The following ZFR variants were observed in gnomAD, a reference collection of about 807,000 sequenced individuals.
The protein encoded by ZFR is zinc finger RNA binding protein.
ZFR carries 19 observed loss-of-function variants against 130.7 expected under a neutral mutation model. The ratio of observed to expected loss-of-function variants is 0.15; its 90% confidence interval spans 0.10 to 0.21. The LOEUF (loss-of-function observed/expected upper bound fraction) is 0.21. Among genes scored for constraint, ZFR ranks in the 10% least tolerant of loss-of-function variants. ZFR has a pLI of 1.00. For synonymous variants in ZFR, 466 were observed against 456.9 expected (o/e 1.02, Z -0.25); for missense variants, 872 against 1,321.5 (o/e 0.66, Z 5.27).
At chr5:32,438,897 G>C (rs2111873501) in intron 2 of ZFR, among the ~76,000 whole-genome samples, 1 of 152,316 alleles carries the variant, frequency 6.6e-6, no homozygotes, top group Non-Finnish European at 1.5e-5. Flanking sequence ...GGCAAGTCAG[G>C]TGAGGAAACC....
At chr5:32,405,863 T>C (rs1197835947) in intron 6 of ZFR, among the ~76,000 whole-genome samples, 29 of 152,178 alleles carry the variant, frequency 1.9e-4, no homozygotes, top group Admixed American at 1.9e-3. Flanking sequence ...GTTCTGTAAT[T>C]TGGTATAACT....
chr5:32,395,087 C>A (rs951652776), intron 11 of ZFR, 72 bp downstream of exon 11: 1 of 1,470,512 alleles, frequency 6.8e-7, no homozygotes, highest in African/African-American at 1.4e-5. Flanking sequence ...ATGGGAGTCA[C>A]ATGCTCAGAA....
At chr5:32,362,034 G>T (rs1370054256) in intron 19 of ZFR, among the ~76,000 whole-genome samples, 1 of 152,070 alleles carries the variant, frequency 6.6e-6, no homozygotes, top group Non-Finnish European at 1.5e-5. Flanking sequence ...GTGGTTTGTA[G>T]GTACTTCTAA....
intron 17 of ZFR, among the ~76,000 whole-genome samples, chr5:32,367,589 T>C (rs897139461): frequency 1.3e-5 from 2 of 152,162 alleles, no homozygotes; most frequent in Non-Finnish European, 2.9e-5. Flanking sequence ...CTAATTTTTA[T>C]TTTTAGTAGA....
intron 2 of ZFR, among the ~76,000 whole-genome samples, chr5:32,429,847 T>A (rs1309006151): frequency 1.3e-5 from 2 of 151,824 alleles, no homozygotes; most frequent in African/African-American, 4.8e-5. Flanking sequence ...AGGGGGAGAA[T>A]CACTTGAGGC....
intron 13 of ZFR, 99 bp from the exon 14 acceptor site, chr5:32,387,798 T>C: frequency 8.0e-7 from 1 of 1,256,108 alleles, no homozygotes. Context: ...TTTTGTGCCA[T>C]TAAAATTTCC....
At chr5:32,388,055 C>T (rs945966513) in intron 13 of ZFR, among the ~76,000 whole-genome samples, 11 of 151,954 alleles carry the variant, frequency 7.2e-5, no homozygotes, top group Non-Finnish European at 7.4e-5. Flanking sequence ...GCAAACTTGA[C>T]ATAAAGACAT....
rs368452362 is a variant in ZFR, at chr5:32,414,779, T to TTC, written c.784+188_784+189dup. Among the ~76,000 whole-genome samples the TTC allele has an allele frequency of 2.2e-3, 329 of 152,266 alleles. 3 individuals carry two copies. The highest frequency in any genetic ancestry group is 7.3e-3 in the African/African-American group (303 of 41,564). On this transcript the variant is annotated intron_variant, in intron 5 of 19. Coordinates refer to ENST00000265069, the MANE Select transcript of ZFR (RefSeq NM_016107.5). ...GAACATATTATATTCTTCTAAGATC[T>TTC]TCTCCTCCCCACGCCCCCAAAAAAG...
chr5:32,408,953 C>A (rs560413876), intron 5 of ZFR, among the ~76,000 whole-genome samples: 4 of 152,188 alleles, frequency 2.6e-5, no homozygotes, highest in Admixed American at 6.5e-5. Flanking sequence ...TGGTTTTCCA[C>A]GCATTTTAGC....
chr5:32,394,802 A>G (rs1488459255), intron 11 of ZFR, among the ~76,000 whole-genome samples: 4 of 152,138 alleles, frequency 2.6e-5, no homozygotes. Context: ...TTCTTTATGG[A>G]CATTATTAAC....
At position 32,427,037 on chromosome 5, in the gene ZFR, C is replaced by T. The variant is rs1581713211; in HGVS notation, c.138-6934G>A. Reference sequence around the variant, plus strand: ...CTAATAAAGGAAATAAGCAAAGTTACAGGATACAAAAATCAGTTGCATTCC... The same window carrying T: ...CTAATAAAGGAAATAAGCAAAGTTATAGGATACAAAAATCAGTTGCATTCC... On this transcript the variant is annotated intron_variant, in intron 2 of 19. Transcript: ENST00000265069. Among the ~76,000 whole-genome samples the T allele has an allele frequency of 2.6e-5, 4 of 152,010 alleles. No homozygotes were observed. The East Asian group carries it at 7.7e-4, about 29-fold the overall frequency.
At chr5:32,376,367 C>T (rs1299151300) in intron 17 of ZFR, among the ~76,000 whole-genome samples, 3 of 151,970 alleles carry the variant, frequency 2.0e-5, no homozygotes, top group Non-Finnish European at 4.4e-5. Context: ...AGGAGATGTG[C>T]CAGGCACAGT....
At position 32,355,522 on chromosome 5, in the gene ZFR, TG is replaced by T. The variant is rs1390018176; in HGVS notation, c.*237del. The T allele has an allele frequency of 3.3e-6, 1 of 307,610 alleles. No homozygotes were observed. The highest frequency in any genetic ancestry group is 5.8e-6 in the Non-Finnish European group (1 of 171,598). 19.1% of individuals were successfully genotyped at this position (307,610 alleles called of 1,614,324 possible). On this transcript the variant is annotated 3_prime_UTR_variant, in exon 20 of 20. Coordinates refer to ENST00000265069, the MANE Select transcript of ZFR (RefSeq NM_016107.5). ...CAACCAGAAAATAAAATAAAAATAATGGGAAAAAATCGGAACTACTGTTTTC... is the reference window on the plus strand; with the variant it reads ...CAACCAGAAAATAAAATAAAAATAATGGAAAAAATCGGAACTACTGTTTTC...
chr5:32,411,209 GGAAA>G (rs1357984493), intron 5 of ZFR, among the ~76,000 whole-genome samples: 2 of 152,184 alleles, frequency 1.3e-5, no homozygotes, highest in Non-Finnish European at 2.9e-5. Context: ...GTGGCAAAGA[GGAAA>G]GATGTGTTCA....
chr5:32,433,560 A>T (rs1030935501), intron 2 of ZFR, among the ~76,000 whole-genome samples: 6 of 152,068 alleles, frequency 3.9e-5, no homozygotes, highest in South Asian at 2.1e-4. Context: ...ATCCATAAAA[A>T]TTTTTTCTGA....
At chr5:32,416,714 A>C (rs910220172) in intron 4 of ZFR, among the ~76,000 whole-genome samples, 5 of 152,090 alleles carry the variant, frequency 3.3e-5, no homozygotes, top group African/African-American at 9.7e-5. Flanking sequence ...AAATCTTACA[A>C]CTAGAAGGGG....
intron 11 of ZFR, among the ~76,000 whole-genome samples, chr5:32,392,370 T>C (rs1378299186): frequency 2.0e-5 from 3 of 152,108 alleles, no homozygotes; most frequent in Non-Finnish European, 4.4e-5. Flanking sequence ...AGGCAGAAAC[T>C]TCATAAAGGA....
intron 6 of ZFR, among the ~76,000 whole-genome samples, chr5:32,404,734 CAT>C (rs1390530042): frequency 6.6e-6 from 1 of 152,168 alleles, no homozygotes; most frequent in African/African-American, 2.4e-5. Context: ...TGTGAATGCA[CAT>C]GATTGAGGAA....
Position 32,432,019 on chromosome 5 carries a change from T to A in ZFR, c.138-11916A>T, listed in dbSNP as rs147569992. ...TTTTTTTTTTTTTTTGGACACAGGG[T>A]CTCACTTTGTCACCCAGGCTGGAGT... On this transcript the variant is annotated intron_variant, in intron 2 of 19. Transcript: ENST00000265069. 7.8e-3 allele frequency among the ~76,000 whole-genome samples: 1,160 copies of A among 148,098 alleles called. 14 individuals are homozygous for A. Among genetic ancestry groups the A allele is most frequent in the African/African-American group, 0.027 (1,097 of 39,972 alleles).
Sources: allele counts gnomAD v4.1 joint callset (sites outside exome capture counted in the v4.1 genomes callset), GRCh38; gene constraint gnomAD v4.1.1; transcripts MANE v1.5; gene names NCBI Gene and HGNC (gene_info 2026-07-23, HGNC 2026-07-21).